The following SLC38A8 variants were observed in gnomAD, a reference collection of about 807,000 sequenced individuals.
The protein encoded by SLC38A8 is solute carrier family 38 member 8, also known as amino acid transporter SLC38A8.
SLC38A8 carries 65 observed loss-of-function variants against 46.0 expected under a neutral mutation model. The observed-to-expected ratio is 1.41, with a 90% confidence interval of 1.16 to 1.74. SLC38A8 has a LOEUF of 1.74. Ranked by LOEUF, SLC38A8 falls within the 40% of genes most tolerant of loss-of-function variation. The pLI is 0.00. For missense variants in SLC38A8, 998 were observed against 567.9 expected (o/e 1.76, Z -7.70); for synonymous variants, 447 against 243.7 (o/e 1.83, Z -7.77).
chr16:84,011,452 C>A (rs1288399044), intron 10 of SLC38A8, among the ~76,000 whole-genome samples: 3 of 152,178 alleles, frequency 2.0e-5, no homozygotes, highest in Non-Finnish European at 2.9e-5. Context: ...CAGGCCTGCT[C>A]CTTTGCAAAA....
At chr16:84,037,824 T>TTTTTTTTTG (rs1158622332) in intron 2 of SLC38A8, among the ~76,000 whole-genome samples, 1 of 148,676 alleles carries the variant, frequency 6.7e-6, no homozygotes. Context: ...TTTTTTTTTT[T>TTTTTTTTTG]TGGAGACGGA....
At chr16:84,021,984 C>G (rs1484170905) in intron 7 of SLC38A8, among the ~76,000 whole-genome samples, 1 of 152,194 alleles carries the variant, frequency 6.6e-6, no homozygotes, top group African/African-American at 2.4e-5. Flanking sequence ...CCATGATAAC[C>G]TATTAATCCA....
rs761256311 is a variant in SLC38A8 at position 84,036,914 on chromosome 16, G to C, written c.190-14C>G. 1.9e-6 allele frequency: 3 copies of C among 1,601,178 alleles called. No homozygotes were observed. The South Asian group carries it at 3.4e-5, about 18-fold the overall frequency. On this transcript the variant is annotated splice_polypyrimidine_tract_variant and intron_variant, in intron 2 of 10. Transcript: ENST00000299709. Reference sequence around the variant, plus strand: ...GACCAACGAGACCTGCGGAGAAGGAGCAGGACCTGGAACTGGGGTGTGCCC... The same window carrying C: ...GACCAACGAGACCTGCGGAGAAGGACCAGGACCTGGAACTGGGGTGTGCCC...
chr16:84,037,632 A>C (rs2002000), intron 2 of SLC38A8, among the ~76,000 whole-genome samples: 12 of 151,740 alleles, frequency 7.9e-5, no homozygotes, highest in Non-Finnish European at 1.3e-4. Context: ...ATGGTGGCAG[A>C]TGCCTGTAGT....
At chr16:84,013,502 C>A (rs891486013) in intron 9 of SLC38A8, among the ~76,000 whole-genome samples, 11 of 137,028 alleles carry the variant, frequency 8.0e-5, no homozygotes, top group African/African-American at 3.0e-4. Context: ...ACCATCTCGG[C>A]TCACTGCAAC....
intron 9 of SLC38A8, among the ~76,000 whole-genome samples, chr16:84,016,226 TC>T (rs1438316469): frequency 8.5e-5 from 13 of 152,302 alleles, no homozygotes; most frequent in African/African-American, 3.1e-4. Flanking sequence ...GATTCAACTA[TC>T]TCCACCTTGC....
intron 7 of SLC38A8, among the ~76,000 whole-genome samples, chr16:84,020,458 C>G (rs2085082107): frequency 6.6e-6 from 1 of 152,204 alleles, no homozygotes; most frequent in Non-Finnish European, 1.5e-5. Flanking sequence ...TGAAGAACAT[C>G]TTTTGAAATC....
chr16:84,017,198 G>T lies in SLC38A8; in HGVS notation c.895C>A (p.Arg299=). ...ACGATGGAGACAGCAAAAAGGACCC[G>T]GGCCACAATGATGACCATATCATTG... ...PGNDMVIIVA[R]VLFAVSIVTV... is the part of the protein sequence containing the mutation. The change falls in exon 8 of 11, where the codon CGG becomes AGG. Residue 299 remains arginine (R), a synonymous_variant. Coordinates refer to ENST00000299709, the MANE Select transcript of SLC38A8 (RefSeq NM_001080442.3). 6.2e-7 allele frequency: 1 copy of T among 1,614,048 alleles called. No individual in the cohort carries two copies. The highest frequency in any genetic ancestry group is 1.7e-5 in the Admixed American group (1 of 60,006).
At chr16:84,039,193 C>A (rs1415805343) in intron 2 of SLC38A8, among the ~76,000 whole-genome samples, 1 of 152,180 alleles carries the variant, frequency 6.6e-6, no homozygotes, top group African/African-American at 2.4e-5. Context: ...CGAAGCCCTG[C>A]TGACACCTTC....
intron 4 of SLC38A8, among the ~76,000 whole-genome samples, chr16:84,033,013 G>T (rs2085262791): frequency 1.3e-5 from 2 of 149,832 alleles, no homozygotes; most frequent in South Asian, 4.2e-4. Flanking sequence ...GGTGTGGGTA[G>T]GTGGGTGTGT....
chr16:84,024,766 C>T (rs1195055992), intron 6 of SLC38A8, among the ~76,000 whole-genome samples: 2 of 152,066 alleles, frequency 1.3e-5, no homozygotes, highest in Admixed American at 6.5e-5. Context: ...CTTGGCTCGC[C>T]GCAACCTCCG....
chr16:84,014,579 G>A (rs2085002495), intron 9 of SLC38A8, among the ~76,000 whole-genome samples: 3 of 152,048 alleles, frequency 2.0e-5, no homozygotes, highest in Non-Finnish European at 2.9e-5. Flanking sequence ...GAACCTGAGG[G>A]AGGAGCCACA....
chr16:84,029,617 A>G (rs763533289), intron 5 of SLC38A8, 66 bp from the exon 6 acceptor site: 55 of 1,498,622 alleles, frequency 3.7e-5, no homozygotes, highest in Non-Finnish European at 4.9e-5. Flanking sequence ...TGCGGCTGCA[A>G]TGGTGAATTT....
Position 84,036,792 on chromosome 16 carries a change from T to G in SLC38A8, c.298A>C (p.Ile100Leu), listed in dbSNP as rs1369065921. The change falls in exon 3 of 11, where the codon ATT becomes CTT. Residue 100 changes from isoleucine to leucine, a missense_variant. Coordinates refer to ENST00000299709, the MANE Select transcript of SLC38A8 (RefSeq NM_001080442.3). ...AAGCAGGCCTCACACAGCTTCCCAA[T>G]GGCAGGGCCACACAGCCCCCTGACC... ...GVVRGLCGPA[I>L]GKLCEACFLL... 2 of 1,614,142 alleles carry G rather than the reference T, an allele frequency of 1.2e-6. No individual in the cohort carries two copies. Among genetic ancestry groups the G allele is most frequent in the Admixed American group, 1.7e-5 (1 of 60,028 alleles).
intron 7 of SLC38A8, among the ~76,000 whole-genome samples, chr16:84,019,483 C>G (rs2085070975): frequency 6.6e-6 from 1 of 152,224 alleles, no homozygotes; most frequent in Non-Finnish European, 1.5e-5. Flanking sequence ...GAGAGCGCTG[C>G]TCTCGACAGC....
chr16:84,013,080 T>C (rs1221741031), intron 9 of SLC38A8, 28 bp from the exon 10 acceptor site: 3 of 1,613,546 alleles, frequency 1.9e-6, no homozygotes, highest in South Asian at 2.2e-5. Context: ...TCACCCACAG[T>C]TCTTCGTTAT....
At chr16:84,022,441 G>A (rs180868311) in intron 7 of SLC38A8, among the ~76,000 whole-genome samples, 21 of 152,278 alleles carry the variant, frequency 1.4e-4, no homozygotes, top group African/African-American at 2.9e-4. Context: ...GTGTAATGAC[G>A]GACAGCAGTC....
intron 7 of SLC38A8, 100 bp downstream of exon 7, chr16:84,022,675 A>G (rs2085108228): frequency 2.3e-6 from 2 of 877,768 alleles, no homozygotes; most frequent in South Asian, 3.0e-5. Context: ...TTGAGTATTG[A>G]GCCCAGCACG....
chr16:84,025,430 G>A (rs1208153849), intron 6 of SLC38A8, among the ~76,000 whole-genome samples: 1 of 152,150 alleles, frequency 6.6e-6, no homozygotes, highest in African/African-American at 2.4e-5. Flanking sequence ...CTCCCGAGTG[G>A]GCTGGTTTCC....
Sources: allele counts gnomAD v4.1 joint callset (sites outside exome capture counted in the v4.1 genomes callset), GRCh38; gene constraint gnomAD v4.1.1; transcripts MANE v1.5; gene names NCBI Gene and HGNC (gene_info 2026-07-23, HGNC 2026-07-21).